Variants in TM9SF3 observed in about 807,000 individuals in gnomAD.
The protein encoded by TM9SF3 is transmembrane 9 superfamily member 3, also known as SM-11044-binding protein.
A neutral mutation model predicts 78.6 loss-of-function variants in TM9SF3; 14 were observed. The ratio of observed to expected loss-of-function variants is 0.18; its 90% confidence interval spans 0.12 to 0.28. TM9SF3 has a LOEUF of 0.28. Among genes scored for constraint, TM9SF3 ranks in the 10% least tolerant of loss-of-function variants. TM9SF3 has a pLI of 1.00. For missense variants in TM9SF3, 496 were observed against 721.9 expected (o/e 0.69, Z 3.59); for synonymous variants, 231 against 241.7 (o/e 0.96, Z 0.41).
chr10:96,574,001 G>A (rs190971894), intron 2 of TM9SF3, among the ~76,000 whole-genome samples: 103 of 152,266 alleles, frequency 6.8e-4, no homozygotes, highest in Non-Finnish European at 4.4e-5. Context: ...ATACCATTAA[G>A]GACATAGGCA....
Position 96,586,717 on chromosome 10 carries a change from C to T in TM9SF3, c.102+17G>A. ...GGGAGCTAGCCCGGGGCGGCCGCGC[C>T]GGCCGGGGCGCCTCACCGTGTGTTC... On this transcript the variant is annotated intron_variant, in intron 1 of 14. Coordinates refer to ENST00000371142, the MANE Select transcript of TM9SF3 (RefSeq NM_020123.4). 8.2e-7 allele frequency: 1 copy of T among 1,222,516 alleles called. No individual in the cohort carries two copies. The highest frequency in any genetic ancestry group is 1.0e-6 in the Non-Finnish European group (1 of 981,716). 75.7% of individuals were successfully genotyped at this position (1,222,516 alleles called of 1,614,324 possible).
chr10:96,577,631 C>T (rs1848512887), intron 1 of TM9SF3: 1 of 152,102 alleles, frequency 6.6e-6, no homozygotes, highest in African/African-American at 2.4e-5. Flanking sequence ...ACTAATAATT[C>T]TAAGTAGCAG....
At chr10:96,526,552 C>T (rs1350226833) in intron 14 of TM9SF3, among the ~76,000 whole-genome samples, 1 of 152,110 alleles carries the variant, frequency 6.6e-6, no homozygotes, top group Non-Finnish European at 1.5e-5. Context: ...ATGGTGAAAA[C>T]TATTACCTCT....
intron 8 of TM9SF3, among the ~76,000 whole-genome samples, chr10:96,546,147 C>T (rs1397388639): frequency 2.6e-5 from 4 of 152,200 alleles, no homozygotes; most frequent in Admixed American, 2.6e-4. Flanking sequence ...TTGAGCTTCA[C>T]TGTAGTTCAA....
intron 5 of TM9SF3, among the ~76,000 whole-genome samples, chr10:96,559,455 A>G (rs1364247091): frequency 6.6e-6 from 1 of 152,224 alleles, no homozygotes; most frequent in Non-Finnish European, 1.5e-5. Context: ...GGTTTAAACC[A>G]CAAGCACAAA....
chr10:96,522,235 A>T lies in TM9SF3; in HGVS notation c.*28T>A, dbSNP rs1372879605. ...TTCCACCCCTATGAAAAAGAAATTG[A>T]TCCAAAGTTCCAGGTTTTCTTGGGT... On this transcript the variant is annotated 3_prime_UTR_variant, in exon 15 of 15. Transcript: ENST00000371142. 1 of 1,588,656 alleles carries T rather than the reference A, an allele frequency of 6.3e-7. No individual in the cohort carries two copies.
intron 2 of TM9SF3, among the ~76,000 whole-genome samples, chr10:96,566,826 C>A (rs953857168): frequency 1.3e-5 from 2 of 152,228 alleles, no homozygotes; most frequent in African/African-American, 2.4e-5. Context: ...AATGGGGTCT[C>A]CAAGGAGTGT....
intron 7 of TM9SF3, 75 bp from the exon 8 acceptor site, chr10:96,548,064 T>C (rs1198378610): frequency 8.0e-6 from 7 of 878,236 alleles, no homozygotes; most frequent in Non-Finnish European, 1.0e-5. Flanking sequence ...TATATTAGCA[T>C]TAGTTTAATT....
intron 6 of TM9SF3, among the ~76,000 whole-genome samples, chr10:96,551,878 G>C (rs1476022765): frequency 1.3e-5 from 2 of 151,924 alleles, no homozygotes; most frequent in Non-Finnish European, 2.9e-5. Flanking sequence ...AAAACATATG[G>C]GGGAAATATT....
intron 14 of TM9SF3, among the ~76,000 whole-genome samples, chr10:96,523,122 C>A (rs1847798276): frequency 6.6e-6 from 1 of 151,772 alleles, no homozygotes; most frequent in South Asian, 2.1e-4. Flanking sequence ...TAGGTTGGTG[C>A]AAAAGTATTT....
In TM9SF3 at chr10:96,563,403, GCT is replaced by G. The variant is rs905660771; in HGVS notation, c.422-1267_422-1266del. On this transcript the variant is annotated intron_variant, in intron 3 of 14. Coordinates refer to ENST00000371142, the MANE Select transcript of TM9SF3 (RefSeq NM_020123.4). ...TTTTTTTTTTTTGAGACAGAGTCTC[GCT>G]CTGTTGCTCAGGCTGGATAGAGTGC... 5.3e-5 allele frequency among the ~76,000 whole-genome samples: 8 copies of G among 150,074 alleles called. No individual in the cohort carries two copies. In the East Asian group the frequency reaches 1.6e-3, roughly 30 times the overall value.
At position 96,544,213 on chromosome 10, in the gene TM9SF3, A is replaced by G; in HGVS notation, c.1055-7T>C. ...TGCTTTATCCATCTCCTTCCTGAAA[A>G]GAAAGGAAACTATGAAAGTTTAATA... On this transcript the variant is annotated splice_region_variant and splice_polypyrimidine_tract_variant and intron_variant, in intron 8 of 14. Coordinates refer to ENST00000371142, the MANE Select transcript of TM9SF3 (RefSeq NM_020123.4). The G allele has an allele frequency of 6.4e-7, 1 of 1,565,236 alleles. No homozygotes were observed. Among genetic ancestry groups the G allele is most frequent in the Non-Finnish European group, 8.6e-7 (1 of 1,162,566 alleles).
intron 9 of TM9SF3, among the ~76,000 whole-genome samples, chr10:96,541,570 G>A (rs2134137443): frequency 1.3e-5 from 2 of 152,224 alleles, no homozygotes; most frequent in South Asian, 4.2e-4. Flanking sequence ...TTTCAGTAGA[G>A]ATAGGGTTTC....
intron 11 of TM9SF3, among the ~76,000 whole-genome samples, chr10:96,529,199 G>A (rs1301567259): frequency 6.6e-6 from 1 of 152,100 alleles, no homozygotes. Context: ...GAGTTACAGA[G>A]ACACACACTC....
intron 14 of TM9SF3, among the ~76,000 whole-genome samples, chr10:96,525,101 A>G (rs1296246756): frequency 6.6e-6 from 1 of 152,058 alleles, no homozygotes; most frequent in Non-Finnish European, 1.5e-5. Context: ...CAAGTCAAGA[A>G]AAATTTTTTT....
At chr10:96,560,794 T>G in intron 4 of TM9SF3, 1 of 557,718 alleles carries the variant, frequency 1.8e-6, no homozygotes, top group Admixed American at 1.9e-5. Flanking sequence ...GACTCAAAAC[T>G]ATCAACACTA....
intron 2 of TM9SF3, among the ~76,000 whole-genome samples, chr10:96,573,522 C>G (rs990582709): frequency 6.6e-6 from 1 of 152,180 alleles, no homozygotes; most frequent in Non-Finnish European, 1.5e-5. Flanking sequence ...CCCTAGGAAT[C>G]AGCAACTCTC....
At position 96,520,734 on chromosome 10, in the gene TM9SF3, C is replaced by T. The variant is rs370350599; in HGVS notation, c.*1529G>A. On this transcript the variant is annotated 3_prime_UTR_variant, in exon 15 of 15. Transcript: ENST00000371142. ...AACAGTACGTTAACCACTTTTACCC[C>T]ATCCCCACTTTACACGGTACACCAA... 64 of 392,844 alleles carry T rather than the reference C, an allele frequency of 1.6e-4. No individual in the cohort carries two copies. Among genetic ancestry groups the T allele is most frequent in the African/African-American group, 1.3e-3 (61 of 48,498 alleles). The allele number at this position is 392,844 out of a possible 1,614,324, so 24.3% of individuals were successfully genotyped here.
chr10:96,583,327 AC>A (rs1435938475), intron 1 of TM9SF3, among the ~76,000 whole-genome samples: 3 of 152,180 alleles, frequency 2.0e-5, no homozygotes, highest in Non-Finnish European at 4.4e-5. Context: ...TAGCATGAAA[AC>A]AAGCTCTCAC....
Sources: gnomAD v4.1 joint callset for allele counts (sites outside exome capture counted in the v4.1 genomes callset) on GRCh38, gnomAD v4.1.1 for gene constraint, MANE v1.5 for transcripts, NCBI Gene and HGNC (gene_info 2026-07-23, HGNC 2026-07-21) for gene names.